Variants in PDE1C observed in about 807,000 individuals in gnomAD.
PDE1C encodes the protein phosphodiesterase 1C.
In PDE1C, 62 loss-of-function variants were observed where a neutral mutation model predicts 93.1. The observed-to-expected ratio is 0.67, with a 90% confidence interval of 0.54 to 0.82. The LOEUF is 0.82. Among genes scored for constraint, PDE1C ranks in the 40% least tolerant of loss-of-function variants. The pLI is 0.00. For missense variants in PDE1C, 742 were observed against 884.6 expected (o/e 0.84, Z 2.04); for synonymous variants, 325 against 310.1 (o/e 1.05, Z -0.50).
chr7:31,654,409 A>C, the PDE1C span, among the ~76,000 whole-genome samples: 4 of 152,336 alleles, frequency 2.6e-5, no homozygotes, highest in Admixed American at 6.5e-5. Context: ...AAGTCTTTGC[A>C]TCTGAATCCT....
the PDE1C span, among the ~76,000 whole-genome samples, chr7:31,708,719 C>A: frequency 1.3e-5 from 2 of 152,214 alleles, no homozygotes; most frequent in African/African-American, 4.8e-5. Flanking sequence ...ATCATGGCAG[C>A]ATCAGCTGGA....
In PDE1C at chr7:32,191,026, G is replaced by A. The variant is rs188653623; in HGVS notation, c.136+18463C>T. Among the ~76,000 whole-genome samples the A allele has an allele frequency of 2.9e-4, 44 of 152,264 alleles. 1 individual carries two copies. The South Asian group carries it at 4.8e-3, about 17-fold the overall frequency. ...GGAGAGCAACTAGTTAAATTTTTCTGGGGCTTAAATGGTGAATTACTGCAT... is the reference window on the plus strand; with the variant it reads ...GGAGAGCAACTAGTTAAATTTTTCTAGGGCTTAAATGGTGAATTACTGCAT... On this transcript the variant is annotated intron_variant, in intron 2 of 18. Coordinates refer to the PDE1C transcript ENST00000396193.
chr7:32,160,843 G>A (rs1198879424), intron 3 of PDE1C, among the ~76,000 whole-genome samples: 1 of 146,186 alleles, frequency 6.8e-6, no homozygotes, highest in Non-Finnish European at 1.5e-5. Context: ...AGAAAAGAGA[G>A]AGAAAGGGAG....
Position 31,787,939 on chromosome 7 carries a change from C to T in PDE1C, c.1892-12207G>A, listed in dbSNP as rs57934515. 73 of 152,172 alleles carry T rather than the reference C, an allele frequency of 4.8e-4. 1 individual carries two copies. The highest frequency in any genetic ancestry group is 1.7e-3 in the African/African-American group (71 of 41,516). 9.4% of individuals were successfully genotyped at this position (152,172 alleles called of 1,614,324 possible). A position where few individuals can be genotyped will look rare whatever the true frequency, so the allele number is the denominator to read the frequency against. ...ACTGCATTTTTACTCAATATCCCTT[C>T]GAAACACTTTTTAAAGATTTAAAGC... On this transcript the variant is annotated intron_variant, in intron 16 of 17. Transcript: ENST00000396191.
chr7:32,168,311 A>G (rs1057125356), intron 3 of PDE1C, among the ~76,000 whole-genome samples: 2 of 152,188 alleles, frequency 1.3e-5, no homozygotes, highest in African/African-American at 2.4e-5. Context: ...ATGGGCATCA[A>G]TATTAAAGCT....
intron 2 of PDE1C, among the ~76,000 whole-genome samples, chr7:32,190,964 C>A (rs1024840374): frequency 6.6e-6 from 1 of 151,952 alleles, no homozygotes; most frequent in Non-Finnish European, 1.5e-5. Flanking sequence ...GCAGAAGGGA[C>A]AGCATATGCA....
chr7:32,224,662 G>C (rs1250187334), intron 1 of PDE1C, among the ~76,000 whole-genome samples: 1 of 152,106 alleles, frequency 6.6e-6, no homozygotes, highest in East Asian at 1.9e-4. Flanking sequence ...CCTTAACATT[G>C]TTTGCATCTT....
At chr7:32,393,716 T>A (rs1784792927) in intron 1 of PDE1C, among the ~76,000 whole-genome samples, 1 of 152,242 alleles carries the variant, frequency 6.6e-6, no homozygotes. Flanking sequence ...TATTTATATT[T>A]TTCTAACTCC....
chr7:31,840,659 C>T (rs773598647), intron 9 of PDE1C, among the ~76,000 whole-genome samples: 11 of 152,064 alleles, frequency 7.2e-5, no homozygotes, highest in Non-Finnish European at 8.8e-5. Context: ...TATCTTTTCC[C>T]ATTGTTCCAA....
chr7:32,405,812 G>A (rs1236208228), intron 1 of PDE1C, among the ~76,000 whole-genome samples: 2 of 152,154 alleles, frequency 1.3e-5, no homozygotes, highest in African/African-American at 2.4e-5. Context: ...GATGTTTGCT[G>A]TGCTTTATCA....
intron 1 of PDE1C, among the ~76,000 whole-genome samples, chr7:32,409,308 C>T (rs993548467): frequency 1.3e-5 from 2 of 152,064 alleles, no homozygotes; most frequent in African/African-American, 2.4e-5. Context: ...CTGCAGTGAA[C>T]CAAGATTGAG....
chr7:31,662,145 A>G, the PDE1C span, among the ~76,000 whole-genome samples: 2 of 152,146 alleles, frequency 1.3e-5, no homozygotes, highest in Non-Finnish European at 2.9e-5. Flanking sequence ...GTTCAAGGGC[A>G]CCCAGACATT....
intron 3 of PDE1C, among the ~76,000 whole-genome samples, chr7:32,096,849 A>AGATAGATAGAT (rs1243791446): frequency 6.6e-6 from 1 of 151,508 alleles, no homozygotes; most frequent in Non-Finnish European, 1.5e-5. Context: ...ATAGATAGAT[A>AGATAGATAGAT]GATAGATAGA....
the PDE1C span, among the ~76,000 whole-genome samples, chr7:31,720,228 A>G: frequency 6.6e-6 from 1 of 150,432 alleles, no homozygotes; most frequent in Non-Finnish European, 1.5e-5. Flanking sequence ...ACATAAAAGC[A>G]GAGGAGCAAA....
At chr7:32,041,216 T>C (rs2128660820) in intron 2 of PDE1C, among the ~76,000 whole-genome samples, 1 of 152,194 alleles carries the variant, frequency 6.6e-6, no homozygotes, top group East Asian at 1.9e-4. Context: ...CAGATTCCAG[T>C]AGGCAGGGGA....
chr7:31,631,432 A>G, the PDE1C span, among the ~76,000 whole-genome samples: 1 of 152,260 alleles, frequency 6.6e-6, no homozygotes, highest in Non-Finnish European at 1.5e-5. Flanking sequence ...CCCTAAATAC[A>G]TAGAAAGATT....
At chr7:31,720,384 G>A in the PDE1C span, among the ~76,000 whole-genome samples, 3 of 152,106 alleles carry the variant, frequency 2.0e-5, no homozygotes, top group Admixed American at 2.0e-4. Flanking sequence ...AGGCAGCTCC[G>A]AGCTTCCCTT....
chr7:32,413,944 G>T (rs976859666), intron 1 of PDE1C, among the ~76,000 whole-genome samples: 4 of 152,106 alleles, frequency 2.6e-5, no homozygotes, highest in Non-Finnish European at 5.9e-5. Flanking sequence ...TGGGTGCGTT[G>T]GTTCATGCCT....
intron 1 of PDE1C, among the ~76,000 whole-genome samples, chr7:32,320,189 T>C (rs890529652): frequency 1.3e-5 from 2 of 152,236 alleles, no homozygotes; most frequent in Admixed American, 6.5e-5. Context: ...TTTCATTTTG[T>C]ATGTGCAGTA....
Sources: allele counts gnomAD v4.1 joint callset (sites outside exome capture counted in the v4.1 genomes callset), GRCh38; gene constraint gnomAD v4.1.1; transcripts MANE v1.5; gene names NCBI Gene and HGNC (gene_info 2026-07-23, HGNC 2026-07-21).